Variants in IQGAP2 observed in about 807,000 individuals in gnomAD.
IQGAP2 encodes the protein IQ motif containing GTPase activating protein 2, also known as ras GTPase-activating-like protein IQGAP2.
In IQGAP2, 173 loss-of-function variants were observed where a neutral mutation model predicts 201.3. The observed-to-expected ratio is 0.86, with a 90% CI of 0.76 to 0.98. The LOEUF is 0.98. IQGAP2 is among the 50% of genes least tolerant of loss of function. The pLI, the probability that IQGAP2 is intolerant of heterozygous loss-of-function variation, is 0.00. For synonymous variants in IQGAP2, 675 were observed against 673.9 expected (o/e 1.00, Z -0.03); for missense variants, 1,687 against 1,864.8 (o/e 0.90, Z 1.76).
rs1744026561 is a variant in IQGAP2, at chr5:76,668,771, A to T, written c.2770A>T (p.Asn924Tyr). The T allele has an allele frequency of 6.2e-7, 1 of 1,609,550 alleles. No individual in the cohort carries two copies. The highest frequency in any genetic ancestry group is 1.7e-5 in the Admixed American group (1 of 59,658). The change falls in exon 23 of 36, where the codon AAT becomes TAT. Residue 924 changes from asparagine (N) to tyrosine (Y), a missense_variant. By Grantham distance (143) the Asn-to-Tyr change is moderately radical. Transcript: ENST00000274364. ...GGATACTGTTATTTTCACACTATAT[A>T]ATTATGCCTCTAATCAGCGAGAAGA... is the stretch of plus-strand genomic sequence containing the variant. ...FMDTVIFTLY[N>Y]YASNQREEYL...
chr5:76,504,323 G>GGGGAACT (rs1223868036), intron 2 of IQGAP2, among the ~76,000 whole-genome samples: 2 of 152,182 alleles, frequency 1.3e-5, no homozygotes, highest in African/African-American at 4.8e-5. Context: ...AAGTCAGGCA[G>GGGGAACT]GGGAACTGGT....
chr5:76,492,371 C>T (rs373963596), intron 2 of IQGAP2, among the ~76,000 whole-genome samples: 86 of 152,166 alleles, frequency 5.7e-4, no homozygotes, highest in African/African-American at 1.7e-3. Context: ...TTGCTGGTAG[C>T]GGTCAGAGGC....
At chr5:76,697,065 A>G (rs889052914) in intron 32 of IQGAP2, among the ~76,000 whole-genome samples, 1 of 152,196 alleles carries the variant, frequency 6.6e-6, no homozygotes, top group Non-Finnish European at 1.5e-5. Context: ...TACCAATTAG[A>G]ATTATGAAAA....
intron 2 of IQGAP2, among the ~76,000 whole-genome samples, chr5:76,507,967 C>T (rs7722628): frequency 0.22 from 31,705 of 144,796 alleles, 3,855 homozygotes; most frequent in African/African-American, 0.34. Flanking sequence ...CGCGCCACTG[C>T]ACCCCAGCCT....
intron 1 of IQGAP2, among the ~76,000 whole-genome samples, chr5:76,420,824 T>G (rs1458781983): frequency 6.6e-6 from 1 of 152,254 alleles, no homozygotes; most frequent in East Asian, 1.9e-4. Context: ...AGGGGAATTA[T>G]ACAGTATTTG....
chr5:76,540,343 T>C (rs1440046386), intron 2 of IQGAP2, among the ~76,000 whole-genome samples: 1 of 152,184 alleles, frequency 6.6e-6, no homozygotes, highest in African/African-American at 2.4e-5. Context: ...AATGGCTAGC[T>C]CTTTTTGGGA....
chr5:76,594,129 A>G (rs1194712956), intron 9 of IQGAP2, among the ~76,000 whole-genome samples: 1 of 152,174 alleles, frequency 6.6e-6, no homozygotes, highest in African/African-American at 2.4e-5. Flanking sequence ...AATCTTGAAC[A>G]TGTTACTGAT....
intron 2 of IQGAP2, among the ~76,000 whole-genome samples, chr5:76,521,995 G>A (rs1055406085): frequency 6.6e-6 from 1 of 151,764 alleles, no homozygotes; most frequent in Admixed American, 6.6e-5. Context: ...AATCATATAT[G>A]TTTACAATTA....
At chr5:76,582,725 T>C (rs557555032) in intron 5 of IQGAP2, among the ~76,000 whole-genome samples, 1 of 152,302 alleles carries the variant, frequency 6.6e-6, no homozygotes, top group South Asian at 2.1e-4. Context: ...ACTAATGCCA[T>C]GTGATATTGG....
chr5:76,542,506 TAA>T (rs1024208625), intron 2 of IQGAP2, among the ~76,000 whole-genome samples: 4 of 152,258 alleles, frequency 2.6e-5, no homozygotes, highest in Non-Finnish European at 5.9e-5. Context: ...TTTCTGAGGC[TAA>T]AGTTAGTTTG....
chr5:76,540,436 C>G (rs1472042847), intron 2 of IQGAP2, among the ~76,000 whole-genome samples: 2 of 152,006 alleles, frequency 1.3e-5, no homozygotes, highest in Non-Finnish European at 2.9e-5. Flanking sequence ...GATTATAGGT[C>G]AGTGTTCAGA....
At chr5:76,500,507 T>G (rs777683536) in intron 2 of IQGAP2, among the ~76,000 whole-genome samples, 8 of 152,216 alleles carry the variant, frequency 5.3e-5, no homozygotes, top group Non-Finnish European at 1.2e-4. Flanking sequence ...AACTTAGATT[T>G]GTGTGTGAAA....
chr5:76,669,697 A>T (rs936865535), intron 23 of IQGAP2, among the ~76,000 whole-genome samples: 1 of 152,188 alleles, frequency 6.6e-6, no homozygotes, highest in Non-Finnish European at 1.5e-5. Flanking sequence ...AGGTCCCAGG[A>T]GGAAAGTAGA....
chr5:76,432,370 C>A (rs1240646903), intron 1 of IQGAP2, among the ~76,000 whole-genome samples: 3 of 152,124 alleles, frequency 2.0e-5, no homozygotes, highest in African/African-American at 7.2e-5. Context: ...GGTGATCCAC[C>A]CACCTCAGCT....
chr5:76,598,091 A>T (rs969895607), intron 10 of IQGAP2, among the ~76,000 whole-genome samples: 1 of 152,224 alleles, frequency 6.6e-6, no homozygotes, highest in African/African-American at 2.4e-5. Flanking sequence ...AATTAAGAAC[A>T]TGTTTACTAA....
intron 13 of IQGAP2, chr5:76,617,918 G>C (rs1305630395): frequency 1.9e-6 from 3 of 1,613,980 alleles, no homozygotes; most frequent in Non-Finnish European, 2.5e-6. Context: ...CCAAGGAGAT[G>C]AAGTAATAGA....
chr5:76,414,071 G>A (rs76017071), intron 1 of IQGAP2, among the ~76,000 whole-genome samples: 1,663 of 151,962 alleles, frequency 0.011, 31 homozygotes, highest in African/African-American at 0.037. Flanking sequence ...ATTAGGAATC[G>A]AAAACCTGGG....
In IQGAP2 at chr5:76,489,278, T is replaced by C. The variant is rs141954889; in HGVS notation, c.146+27609T>C. On this transcript the variant is annotated intron_variant, in intron 2 of 35. Coordinates refer to ENST00000274364, the MANE Select transcript of IQGAP2 (RefSeq NM_006633.5). Reference sequence around the variant, plus strand: ...TTCCAGTGAGTGTCTCTGGAGGCTGTATCTCCTGATTACAACTCTATAGTT... The same window carrying C: ...TTCCAGTGAGTGTCTCTGGAGGCTGCATCTCCTGATTACAACTCTATAGTT... Among the ~76,000 whole-genome samples the C allele has an allele frequency of 6.4e-4, 97 of 152,304 alleles. 1 individual carries two copies. Among genetic ancestry groups the C allele is most frequent in the African/African-American group, 2.3e-3 (96 of 41,550 alleles).
chr5:76,685,846 C>T (rs912551019), intron 30 of IQGAP2, among the ~76,000 whole-genome samples: 1 of 152,192 alleles, frequency 6.6e-6, no homozygotes, highest in Non-Finnish European at 1.5e-5. Context: ...TTAGTACATT[C>T]GCAGTGTGCA....
Sources: allele counts gnomAD v4.1 joint callset (sites outside exome capture counted in the v4.1 genomes callset), GRCh38; gene constraint gnomAD v4.1.1; transcripts MANE v1.5; gene names NCBI Gene and HGNC (gene_info 2026-07-23, HGNC 2026-07-21).